The following METTL15 variants were observed in gnomAD, a reference collection of about 807,000 sequenced individuals.
METTL15 encodes 12S rRNA N(4)-cytidine methyltransferase METTL15.
In METTL15, 34 loss-of-function variants were observed where a neutral mutation model predicts 38.3. The observed-to-expected ratio is 0.89, with a 90% confidence interval of 0.68 to 1.18. The LOEUF (loss-of-function observed/expected upper bound fraction) is 1.18. Among genes scored for constraint, METTL15 ranks in the 50% most tolerant of loss-of-function variants. The probability of loss-of-function intolerance (pLI) is 0.00; values close to 1 mark genes in which losing one functional copy is unlikely to be tolerated. For synonymous variants in METTL15, 162 were observed against 170.9 expected (o/e 0.95, Z 0.41); for missense variants, 438 against 498.4 (o/e 0.88, Z 1.15).
chr11:28,470,381 T>C (rs1851293153), intron 6 of METTL15, among the ~76,000 whole-genome samples: 1 of 152,150 alleles, frequency 6.6e-6, no homozygotes, highest in Non-Finnish European at 1.5e-5. Flanking sequence ...GACTCAGTTA[T>C]AGTGAACTGA....
intron 5 of METTL15, among the ~76,000 whole-genome samples, chr11:28,373,195 C>A (rs1315763046): frequency 6.6e-6 from 1 of 152,128 alleles, no homozygotes; most frequent in African/African-American, 2.4e-5. Context: ...GGAATCGCCA[C>A]ACTGACTTCC....
intron 6 of METTL15, among the ~76,000 whole-genome samples, chr11:28,513,922 A>G (rs2133503523): frequency 6.6e-6 from 1 of 152,352 alleles, no homozygotes; most frequent in Middle Eastern, 3.4e-3. Context: ...ACCATCATGA[A>G]CATGTCACAG....
Position 28,164,613 on chromosome 11 carries a change from A to G in METTL15, c.271-46449A>G, listed in dbSNP as rs1006002053. Among the ~76,000 whole-genome samples, 4 of 152,128 alleles carry G rather than the reference A, an allele frequency of 2.6e-5. 1 individual carries two copies. The highest frequency in any genetic ancestry group is 1.3e-4 in the Admixed American group (2 of 15,246). Reference sequence around the variant, plus strand: ...TGTAATGTTTTGCTGCATATGTACAATACGGAATGATTAAATCAAGCCAAT... The same window carrying G: ...TGTAATGTTTTGCTGCATATGTACAGTACGGAATGATTAAATCAAGCCAAT... On this transcript the variant is annotated intron_variant, in intron 3 of 6. Coordinates refer to ENST00000407364, the MANE Select transcript of METTL15 (RefSeq NM_001113528.2).
At chr11:28,122,100 CT>C in intron 3 of METTL15, 1 of 1,174,574 alleles carries the variant, frequency 8.5e-7, no homozygotes, top group Non-Finnish European at 1.1e-6. Flanking sequence ...TTAACTCCAT[CT>C]TACTCACTCA....
At chr11:28,367,972 AC>A (rs1789101068) in intron 5 of METTL15, among the ~76,000 whole-genome samples, 1 of 152,100 alleles carries the variant, frequency 6.6e-6, no homozygotes, top group African/African-American at 2.4e-5. Context: ...TAAACGTAAG[AC>A]CTAGCACCAT....
intron 3 of METTL15, among the ~76,000 whole-genome samples, chr11:28,156,193 A>C (rs1424497969): frequency 6.6e-6 from 1 of 152,192 alleles, no homozygotes; most frequent in Non-Finnish European, 1.5e-5. Context: ...AATATCATTC[A>C]TCCCTTGGTC....
intron 3 of METTL15, among the ~76,000 whole-genome samples, chr11:28,132,175 G>T (rs1419031255): frequency 6.6e-6 from 1 of 152,098 alleles, no homozygotes; most frequent in Non-Finnish European, 1.5e-5. Flanking sequence ...TGCTTCTTGG[G>T]TCTCCTTGCA....
intron 3 of METTL15, among the ~76,000 whole-genome samples, chr11:28,199,753 T>G (rs537173047): frequency 7.6e-4 from 116 of 152,104 alleles, no homozygotes; most frequent in East Asian, 6.8e-3. Flanking sequence ...GACTTTTTTT[T>G]TTTTTTGAGA....
At chr11:28,417,256 T>C (rs1850780659) in intron 5 of METTL15, among the ~76,000 whole-genome samples, 1 of 152,218 alleles carries the variant, frequency 6.6e-6, no homozygotes, top group Non-Finnish European at 1.5e-5. Context: ...AATTCTTATC[T>C]CAAGTTTGCT....
intron 6 of METTL15, among the ~76,000 whole-genome samples, chr11:28,450,739 A>G (rs933803382): frequency 6.6e-6 from 1 of 152,244 alleles, no homozygotes; most frequent in Middle Eastern, 3.2e-3. Context: ...GTATATGCAC[A>G]ATATTTTTTA....
chr11:28,135,781 G>A (rs1007997609), intron 3 of METTL15, among the ~76,000 whole-genome samples: 4 of 152,312 alleles, frequency 2.6e-5, no homozygotes, highest in East Asian at 3.9e-4. Flanking sequence ...GTTCACAGGA[G>A]TATACCTTAC....
intron 5 of METTL15, among the ~76,000 whole-genome samples, chr11:28,394,589 A>C (rs566651686): frequency 6.6e-6 from 1 of 152,172 alleles, no homozygotes; most frequent in South Asian, 2.1e-4. Context: ...TTTCAGTTCA[A>C]ATCTTCCTCT....
chr11:28,512,615 G>A (rs1030886423), intron 6 of METTL15, among the ~76,000 whole-genome samples: 54 of 152,300 alleles, frequency 3.5e-4, no homozygotes, highest in Admixed American at 2.9e-3. Context: ...AGGGCTGGCC[G>A]GCCACTCTGA....
At chr11:28,372,153 G>T (rs955301086) in intron 5 of METTL15, among the ~76,000 whole-genome samples, 1 of 151,680 alleles carries the variant, frequency 6.6e-6, no homozygotes, top group African/African-American at 2.4e-5. Context: ...TTATTTTGAG[G>T]TATGTTCCTT....
intron 3 of METTL15, among the ~76,000 whole-genome samples, chr11:28,196,154 T>G (rs1851901607): frequency 6.6e-6 from 1 of 152,120 alleles, no homozygotes; most frequent in Admixed American, 6.6e-5. Flanking sequence ...AGATATGTTC[T>G]TTTTGTTTAG....
At chr11:28,295,216 A>T (rs553624720) in intron 5 of METTL15, among the ~76,000 whole-genome samples, 13 of 152,124 alleles carry the variant, frequency 8.5e-5, no homozygotes, top group Non-Finnish European at 1.5e-4. Context: ...TGTGTGCACC[A>T]ATAATTATCC....
chr11:28,477,681 G>A (rs888624236), intron 6 of METTL15: 3 of 151,956 alleles, frequency 2.0e-5, no homozygotes, highest in African/African-American at 4.8e-5. Context: ...CCAAAGATTG[G>A]GTGTTTTATA....
At chr11:28,309,100 G>A (rs570301861) in intron 6 of METTL15, among the ~76,000 whole-genome samples, 2 of 152,192 alleles carry the variant, frequency 1.3e-5, no homozygotes, top group East Asian at 1.9e-4. Flanking sequence ...TATGTCTGCC[G>A]AAATTTCATG....
At chr11:28,373,774 T>C (rs1443343103) in intron 5 of METTL15, among the ~76,000 whole-genome samples, 7 of 152,158 alleles carry the variant, frequency 4.6e-5, no homozygotes, top group African/African-American at 1.7e-4. Flanking sequence ...GCCTAGGTTT[T>C]CTTCTAGGGT....
Sources: gnomAD v4.1 joint callset for allele counts (sites outside exome capture counted in the v4.1 genomes callset) on GRCh38, gnomAD v4.1.1 for gene constraint, MANE v1.5 for transcripts, NCBI Gene and HGNC (gene_info 2026-07-23, HGNC 2026-07-21) for gene names.